The following STK35 variants were observed in gnomAD, a reference collection of about 807,000 sequenced individuals.
The protein encoded by STK35 is serine/threonine-protein kinase 35.
A neutral mutation model predicts 37.3 loss-of-function variants in STK35; 17 were observed. The observed-to-expected ratio is 0.46, with a 90% confidence interval of 0.31 to 0.68. The LOEUF (loss-of-function observed/expected upper bound fraction) is 0.68. Ranked by LOEUF, STK35 falls within the 30% of genes least tolerant of loss-of-function variation. The probability of loss-of-function intolerance (pLI) is 0.05; values close to 1 mark genes in which losing one functional copy is unlikely to be tolerated. For synonymous variants in STK35, 385 were observed against 319.1 expected (o/e 1.21, Z -2.20); for missense variants, 595 against 746.7 (o/e 0.80, Z 2.37).
chr20:2,123,222 T>G (rs1985849186), intron 3 of STK35, among the ~76,000 whole-genome samples: 1 of 152,146 alleles, frequency 6.6e-6, no homozygotes, highest in Non-Finnish European at 1.5e-5. Flanking sequence ...CTGAAGGAAA[T>G]CAGATGTTGG....
chr20:2,118,162 G>C (rs985265362), intron 3 of STK35, among the ~76,000 whole-genome samples: 1 of 152,030 alleles, frequency 6.6e-6, no homozygotes, highest in Non-Finnish European at 1.5e-5. Context: ...ACTAATCTGA[G>C]CATTCCTCCA....
chr20:2,102,817 A>T lies in STK35; in HGVS notation c.344A>T (p.Asp115Val). The T allele has an allele frequency of 6.6e-7, 1 of 1,517,390 alleles. No individual in the cohort carries two copies. The highest frequency in any genetic ancestry group is 2.0e-5 in the Admixed American group (1 of 48,822). 94.0% of individuals were successfully genotyped at this position (1,517,390 alleles called of 1,614,324 possible). A position where few individuals can be genotyped will look rare whatever the true frequency, so the allele number is the denominator to read the frequency against. ...APPRPRAGRR[D>V]EAGGARAAPL... ...CCGCGTCCCAGGGCCGGACGGAGGG[A>T]TGAGGCAGGGGGGGCCCGGGCAGCG... The change falls in exon 2 of 4, where the codon GAT (aspartate) becomes GTT (valine). Residue 115 changes from aspartate to valine, a missense_variant. Physicochemically the swap from Asp to Val is radical, Grantham distance 152. Around this residue, in one of 3 missense-constraint regions of STK35, gnomAD observed 389 missense variants for 320.0 expected, o/e 1.22. Coordinates refer to ENST00000381482, the MANE Select transcript of STK35 (RefSeq NM_080836.4).
At chr20:2,105,648 G>T (rs778797389) in intron 2 of STK35, among the ~76,000 whole-genome samples, 3 of 152,136 alleles carry the variant, frequency 2.0e-5, no homozygotes, top group Non-Finnish European at 4.4e-5. Context: ...AGGTACATAG[G>T]GTCACTGTGC....
chr20:2,139,490 G>C (rs1986138815), intron 3 of STK35, among the ~76,000 whole-genome samples: 1 of 152,188 alleles, frequency 6.6e-6, no homozygotes, highest in African/African-American at 2.4e-5. Context: ...GTCTTCTCTA[G>C]GAAGGGATTT....
At chr20:2,122,590 T>C (rs1337693220) in intron 3 of STK35, among the ~76,000 whole-genome samples, 2 of 152,188 alleles carry the variant, frequency 1.3e-5, no homozygotes, top group African/African-American at 4.8e-5. Flanking sequence ...TGTGTGGCCT[T>C]AGGCAAATTA....
chr20:2,130,844 G>A (rs894012350), intron 3 of STK35, among the ~76,000 whole-genome samples: 1 of 152,094 alleles, frequency 6.6e-6, no homozygotes, highest in Admixed American at 6.5e-5. Context: ...TGGGGAAGGG[G>A]CTTTGGAGTC....
chr20:2,102,451 C>T (rs947828187), intron 1 of STK35, among the ~76,000 whole-genome samples: 14 of 152,350 alleles, frequency 9.2e-5, no homozygotes, highest in African/African-American at 3.4e-4. Context: ...AAAATATTTC[C>T]GCCGGCCAAA....
At chr20:2,136,440 C>CCAGCT (rs1289032440) in intron 3 of STK35, among the ~76,000 whole-genome samples, 15 of 152,224 alleles carry the variant, frequency 9.9e-5, no homozygotes, top group Admixed American at 5.9e-4. Context: ...GGACACGGTC[C>CCAGCT]CAGCTCTGTC....
At chr20:2,110,056 A>G (rs1379286859) in intron 2 of STK35, among the ~76,000 whole-genome samples, 2 of 152,242 alleles carry the variant, frequency 1.3e-5, no homozygotes, top group South Asian at 2.1e-4. Context: ...CCTCTTTATA[A>G]TGACATAACA....
At chr20:2,104,353 G>C (rs899837212) in intron 2 of STK35, among the ~76,000 whole-genome samples, 1 of 152,298 alleles carries the variant, frequency 6.6e-6, no homozygotes. Context: ...CAGTGCTGAA[G>C]TAATTTTTAG....
chr20:2,141,861 G>A (rs746486836), intron 3 of STK35, among the ~76,000 whole-genome samples: 90 of 152,180 alleles, frequency 5.9e-4, no homozygotes, highest in Non-Finnish European at 8.8e-4. Flanking sequence ...TGCGTTGAAG[G>A]ATCATTTGCT....
chr20:2,108,819 G>A (rs1371384687), intron 2 of STK35, among the ~76,000 whole-genome samples: 1 of 152,102 alleles, frequency 6.6e-6, no homozygotes, highest in East Asian at 1.9e-4. Context: ...AACTCTCGAG[G>A]GGTGCTTCCT....
intron 2 of STK35, among the ~76,000 whole-genome samples, chr20:2,107,424 G>T (rs6081974): frequency 1.3e-5 from 2 of 152,038 alleles, no homozygotes; most frequent in South Asian, 4.1e-4. Context: ...GCTGGGAACC[G>T]AGGCCTTGGA....
At chr20:2,112,543 G>A (rs1985639498) in intron 2 of STK35, among the ~76,000 whole-genome samples, 1 of 152,170 alleles carries the variant, frequency 6.6e-6, no homozygotes, top group Admixed American at 6.5e-5. Flanking sequence ...AGACAGCATG[G>A]TCTGGGGGGA....
intron 2 of STK35, among the ~76,000 whole-genome samples, chr20:2,106,823 TAA>T (rs1985525005): frequency 6.6e-6 from 1 of 152,158 alleles, no homozygotes; most frequent in Non-Finnish European, 1.5e-5. Context: ...CCAGAGGCAT[TAA>T]GACAGCAGAA....
At chr20:2,103,525 CTCTCT>C (rs1003685192) in intron 2 of STK35, among the ~76,000 whole-genome samples, 160 bp downstream of exon 2, 1 of 152,176 alleles carries the variant, frequency 6.6e-6, no homozygotes, top group South Asian at 2.1e-4. Context: ...GCATTCGGCC[CTCTCT>C]TCTCAGGTCC....
At chr20:2,137,990 C>T (rs1201769941) in intron 3 of STK35, among the ~76,000 whole-genome samples, 1 of 152,170 alleles carries the variant, frequency 6.6e-6, no homozygotes, top group Non-Finnish European at 1.5e-5. Context: ...AAATTAATAA[C>T]CTGAGCCTCA....
chr20:2,104,091 A>C (rs1355281335), intron 2 of STK35, among the ~76,000 whole-genome samples: 2 of 152,238 alleles, frequency 1.3e-5, no homozygotes, highest in Non-Finnish European at 2.9e-5. Context: ...TTTACTTAAA[A>C]GGAAAATGGG....
intron 3 of STK35, among the ~76,000 whole-genome samples, chr20:2,129,350 C>A (rs752413567): frequency 3.3e-5 from 5 of 152,056 alleles, no homozygotes; most frequent in Non-Finnish European, 7.4e-5. Flanking sequence ...TTACATAGAA[C>A]GGGAATGAAA....
Sources: allele counts gnomAD v4.1 joint callset (sites outside exome capture counted in the v4.1 genomes callset), GRCh38; gene constraint gnomAD v4.1.1; regional missense constraint gnomAD v4.1.1; transcripts MANE v1.5; gene names NCBI Gene and HGNC (gene_info 2026-07-23, HGNC 2026-07-21).